CABLES1: variants seen among roughly 807,000 people sequenced by gnomAD.
CABLES1 encodes CDK5 and ABL1 enzyme substrate 1.
CABLES1 carries 36 observed loss-of-function variants against 57.8 expected under a neutral mutation model. The ratio of observed to expected loss-of-function variants is 0.62; its 90% CI spans 0.48 to 0.82. The LOEUF (loss-of-function observed/expected upper bound fraction) is 0.82. Among genes scored for constraint, CABLES1 ranks in the 40% least tolerant of loss-of-function variants. The pLI is 0.00. For synonymous variants in CABLES1, 374 were observed against 363.0 expected (o/e 1.03, Z -0.35); for missense variants, 767 against 836.6 (o/e 0.92, Z 1.03).
chr18:23,181,519 AAAAAAAAAG>A (rs2047166548), intron 1 of CABLES1, among the ~76,000 whole-genome samples: 7 of 150,790 alleles, frequency 4.6e-5, no homozygotes. Context: ...AAAAAAAAAA[AAAAAAAAAG>A]ATGCCCACTA....
At chr18:23,192,034 T>C (rs1439761113) in intron 2 of CABLES1, among the ~76,000 whole-genome samples, 1 of 152,028 alleles carries the variant, frequency 6.6e-6, no homozygotes, top group Non-Finnish European at 1.5e-5. Context: ...ATAAAACATC[T>C]TGTTAAGTTA....
At chr18:23,205,246 G>A (rs938147300) in intron 3 of CABLES1, among the ~76,000 whole-genome samples, 4 of 142,958 alleles carry the variant, frequency 2.8e-5, no homozygotes, top group South Asian at 2.2e-4. Context: ...GGAGTGCAGT[G>A]GTGTGATCTT....
At position 23,233,294 on chromosome 18, in the gene CABLES1, G is replaced by A. The variant is rs577618327; in HGVS notation, c.1089-1314G>A. Reference sequence around the variant, plus strand: ...TGGCAAATTTTAAAAATTACCGTAGGGGAAGGGTGTGGTCCTTTGAGGTGT... The same window carrying A: ...TGGCAAATTTTAAAAATTACCGTAGAGGAAGGGTGTGGTCCTTTGAGGTGT... On this transcript the variant is annotated intron_variant, in intron 4 of 9. Transcript: ENST00000256925. Among the ~76,000 whole-genome samples the A allele has an allele frequency of 1.2e-4, 19 of 152,286 alleles. No individual in the cohort carries two copies. The South Asian group carries it at 3.5e-3, about 28-fold the overall frequency.
intron 9 of CABLES1, among the ~76,000 whole-genome samples, chr18:23,254,622 G>A (rs752327801): frequency 6.6e-6 from 1 of 152,170 alleles, no homozygotes; most frequent in Non-Finnish European, 1.5e-5. Flanking sequence ...TCATAGTTTT[G>A]GAGGCTGGGA....
intron 1 of CABLES1, among the ~76,000 whole-genome samples, chr18:23,184,439 A>G (rs1203641668): frequency 1.3e-5 from 2 of 152,150 alleles, no homozygotes; most frequent in African/African-American, 4.8e-5. Flanking sequence ...ATGGTAGCTC[A>G]TGGCTATAAT....
intron 3 of CABLES1, chr18:23,197,474 G>C (rs983940798): frequency 5.9e-5 from 9 of 152,292 alleles, no homozygotes; most frequent in African/African-American, 2.2e-4. Flanking sequence ...CTTCTAGAGG[G>C]CTTGGTGTGC....
chr18:23,137,486 T>C (rs1482670076), intron 1 of CABLES1, among the ~76,000 whole-genome samples: 1 of 152,024 alleles, frequency 6.6e-6, no homozygotes, highest in Non-Finnish European at 1.5e-5. Context: ...TCCTAGGGAG[T>C]GCCCTCCCTT....
chr18:23,159,628 A>G (rs1439554149), intron 1 of CABLES1, among the ~76,000 whole-genome samples: 1 of 152,232 alleles, frequency 6.6e-6, no homozygotes, highest in Non-Finnish European at 1.5e-5. Context: ...ACGGGACGAG[A>G]TACACTGCTA....
intron 1 of CABLES1, among the ~76,000 whole-genome samples, chr18:23,186,074 G>A (rs2047200320): frequency 6.6e-6 from 1 of 152,170 alleles, no homozygotes; most frequent in Non-Finnish European, 1.5e-5. Context: ...AGTTAGTTGT[G>A]CTTTGAAGTG....
At chr18:23,134,744 G>T (rs1351506581), upstream of CABLES1, 1 of 152,176 alleles carries the variant, frequency 6.6e-6, no homozygotes, top group Non-Finnish European at 1.5e-5. Flanking sequence ...AAAAATTTGC[G>T]TTGTCCTTTG....
intron 3 of CABLES1, among the ~76,000 whole-genome samples, chr18:23,210,711 G>T (rs74661288): frequency 0.035 from 5,285 of 152,204 alleles, 123 homozygotes; most frequent in African/African-American, 0.058. Context: ...TGTGGTTCAC[G>T]CCTGCAGTCC....
rs140971177 is a variant in CABLES1, at chr18:23,240,971, C to T, written c.1446+3726C>T. Reference sequence around the variant, plus strand: ...TTTGAAGTGTGCATTTCCATGAATTCTGTAACCACTGCTCTGATCCAGATA... The same window carrying T: ...TTTGAAGTGTGCATTTCCATGAATTTTGTAACCACTGCTCTGATCCAGATA... On this transcript the variant is annotated intron_variant, in intron 7 of 9. Coordinates refer to ENST00000256925, the MANE Select transcript of CABLES1 (RefSeq NM_001100619.3). 1.8e-3 allele frequency among the ~76,000 whole-genome samples: 268 copies of T among 152,358 alleles called. 1 individual carries two copies. The highest frequency in any genetic ancestry group is 6.1e-3 in the African/African-American group (254 of 41,582).
chr18:23,198,594 G>A (rs2047301350), intron 3 of CABLES1, among the ~76,000 whole-genome samples: 1 of 152,214 alleles, frequency 6.6e-6, no homozygotes, highest in South Asian at 2.1e-4. Flanking sequence ...GGTGGCCCCA[G>A]TGTAGTTACA....
intron 1 of CABLES1, among the ~76,000 whole-genome samples, chr18:23,139,539 CAG>C (rs2046844715): frequency 6.6e-6 from 1 of 152,074 alleles, no homozygotes; most frequent in Non-Finnish European, 1.5e-5. Flanking sequence ...TCACAACACA[CAG>C]GGAGGAAAAT....
At chr18:23,253,599 G>GACTT in intron 8 of CABLES1, 130 bp from the exon 9 acceptor site, 1 of 753,484 alleles carries the variant, frequency 1.3e-6, no homozygotes, top group South Asian at 1.8e-5. Flanking sequence ...CACTCCCAGG[G>GACTT]ACTTAATCCC....
At chr18:23,250,748 G>T (rs1339237603) in intron 7 of CABLES1, among the ~76,000 whole-genome samples, 1 of 152,210 alleles carries the variant, frequency 6.6e-6, no homozygotes, top group Non-Finnish European at 1.5e-5. Flanking sequence ...TCCTGATTGG[G>T]CCAGAAAGAC....
intron 4 of CABLES1, among the ~76,000 whole-genome samples, chr18:23,230,324 A>G (rs2047558221): frequency 6.6e-6 from 1 of 152,230 alleles, no homozygotes; most frequent in Non-Finnish European, 1.5e-5. Flanking sequence ...GTGAGCTGAG[A>G]TCGCACCACT....
intron 1 of CABLES1, among the ~76,000 whole-genome samples, chr18:23,179,130 A>G (rs182280778): frequency 3.0e-4 from 46 of 152,210 alleles, no homozygotes; most frequent in Middle Eastern, 6.8e-3. Flanking sequence ...TACTAAAAAT[A>G]CAAAAATTAG....
intron 4 of CABLES1, among the ~76,000 whole-genome samples, chr18:23,222,088 C>G (rs2145064719): frequency 1.3e-5 from 2 of 152,326 alleles, no homozygotes; most frequent in Admixed American, 1.3e-4. Context: ...AACTTAAAAC[C>G]TCCTTTGTGG....
Sources: gnomAD v4.1 joint callset for allele counts (sites outside exome capture counted in the v4.1 genomes callset) on GRCh38, gnomAD v4.1.1 for gene constraint, MANE v1.5 for transcripts, NCBI Gene and HGNC (gene_info 2026-07-23, HGNC 2026-07-21) for gene names.